RERG: variants seen among roughly 807,000 people sequenced by gnomAD.
The protein encoded by RERG is RAS like estrogen regulated growth inhibitor.
A neutral mutation model predicts 23.2 loss-of-function variants in RERG; 25 were observed. The ratio of observed to expected loss-of-function variants is 1.08; its 90% CI spans 0.79 to 1.50. RERG has a LOEUF of 1.50. RERG is among the 40% of genes most tolerant of loss of function. RERG has a pLI of 0.00. For synonymous variants in RERG, 81 were observed against 89.1 expected (o/e 0.91, Z 0.51); for missense variants, 253 against 250.1 (o/e 1.01, Z -0.08).
At chr12:15,165,967 C>A (rs1204087463) in intron 2 of RERG, among the ~76,000 whole-genome samples, 1 of 152,094 alleles carries the variant, frequency 6.6e-6, no homozygotes, top group Non-Finnish European at 1.5e-5. Flanking sequence ...CCTAGGTACA[C>A]CTAGGTCACT....
intron 2 of RERG, among the ~76,000 whole-genome samples, chr12:15,164,633 C>G (rs1205451978): frequency 6.6e-6 from 1 of 152,090 alleles, no homozygotes; most frequent in Non-Finnish European, 1.5e-5. Context: ...GTTGCCATAC[C>G]CTGAGCTGTA....
chr12:15,169,977 G>A (rs1039217758), intron 2 of RERG, among the ~76,000 whole-genome samples: 1 of 145,618 alleles, frequency 6.9e-6, no homozygotes, highest in African/African-American at 2.5e-5. Flanking sequence ...TAACATCAGG[G>A]ATCAACAATG....
intron 2 of RERG, among the ~76,000 whole-genome samples, chr12:15,179,888 T>C (rs1266267461): frequency 2.0e-5 from 3 of 152,174 alleles, no homozygotes; most frequent in Non-Finnish European, 4.4e-5. Context: ...GGACTTTCCA[T>C]GAAGCACATG....
chr12:15,182,474 G>A (rs1274061177), intron 2 of RERG, among the ~76,000 whole-genome samples: 3 of 152,156 alleles, frequency 2.0e-5, no homozygotes, highest in Non-Finnish European at 4.4e-5. Context: ...TGTTAGCTAG[G>A]AAGAGTTTCA....
rs552908941 is a variant in RERG, at chr12:15,178,131, G to A, written c.61+39298C>T. 9.2e-5 allele frequency among the ~76,000 whole-genome samples: 14 copies of A among 152,182 alleles called. No homozygotes were observed. The East Asian group carries it at 9.6e-4, about 10-fold the overall frequency. On this transcript the variant is annotated intron_variant, in intron 2 of 4. Transcript: ENST00000256953. ...GAAAGCCATGTGCTATAATGGAGGC[G>A]TACTTTGCAATCCTCTCATTTTAAA...
At chr12:15,208,300 C>A (rs149014795) in intron 2 of RERG, among the ~76,000 whole-genome samples, 1 of 152,208 alleles carries the variant, frequency 6.6e-6, no homozygotes, top group Non-Finnish European at 1.5e-5. Flanking sequence ...GGAACCCTGA[C>A]TAATACAGTT....
chr12:15,135,961 A>G (rs1262817282), intron 2 of RERG, among the ~76,000 whole-genome samples: 2 of 152,122 alleles, frequency 1.3e-5, no homozygotes, highest in Non-Finnish European at 2.9e-5. Flanking sequence ...TCTGGAAGAA[A>G]TTACAGAGAG....
At chr12:15,184,268 T>G (rs890667549) in intron 2 of RERG, among the ~76,000 whole-genome samples, 1 of 152,210 alleles carries the variant, frequency 6.6e-6, no homozygotes, top group African/African-American at 2.4e-5. Context: ...ATGTGAATAA[T>G]ATATTAATAC....
In RERG at chr12:15,217,570, C is replaced by A; in HGVS notation, c.-81G>T. The A allele has an allele frequency of 4.1e-6, 4 of 979,296 alleles. No individual in the cohort carries two copies. Among genetic ancestry groups the A allele is most frequent in the Non-Finnish European group, 6.6e-6 (4 of 605,050 alleles). 60.7% of individuals were successfully genotyped at this position (979,296 alleles called of 1,614,324 possible). ...TTTTGGTTCCAGTCTTTGGATTCACCATATCATTGTGAATCTTGGAAGAGT... is the reference window on the plus strand; with the variant it reads ...TTTTGGTTCCAGTCTTTGGATTCACAATATCATTGTGAATCTTGGAAGAGT... On this transcript the variant is annotated 5_prime_UTR_variant, in exon 2 of 5. It removes an upstream start codon present in the reference 5' UTR. Transcript: ENST00000256953.
intron 2 of RERG, among the ~76,000 whole-genome samples, chr12:15,189,929 T>G (rs1178454088): frequency 6.6e-6 from 1 of 152,194 alleles, no homozygotes; most frequent in Non-Finnish European, 1.5e-5. Context: ...TTTCTTAAAC[T>G]CTACACATTC....
At chr12:15,151,195 T>C (rs1864436154) in intron 2 of RERG, among the ~76,000 whole-genome samples, 1 of 152,146 alleles carries the variant, frequency 6.6e-6, no homozygotes, top group Non-Finnish European at 1.5e-5. Context: ...ATGAACACAC[T>C]TAATCTTAGA....
At chr12:15,148,847 GTTTTT>G (rs56033971) in intron 2 of RERG, among the ~76,000 whole-genome samples, 4 of 45,552 alleles carry the variant, frequency 8.8e-5, no homozygotes, top group Admixed American at 3.0e-4. Context: ...CTTTAACTCT[GTTTTT>G]TTTTTTTTTT....
chr12:15,156,991 T>C (rs1156372390), intron 2 of RERG, among the ~76,000 whole-genome samples: 1 of 152,186 alleles, frequency 6.6e-6, no homozygotes, highest in East Asian at 1.9e-4. Flanking sequence ...AGAGGATCCA[T>C]TGCCCCTCTT....
At position 15,110,463 on chromosome 12, in the gene RERG, C is replaced by CTTTTTTTTTTTTTTTTTTTTTT. The variant is rs869218147; in HGVS notation, c.192+859_192+880dup. On this transcript the variant is annotated intron_variant, in intron 4 of 4. Coordinates refer to ENST00000256953, the MANE Select transcript of RERG (RefSeq NM_032918.3). ...CTGTCATTCCAGTGGCCATTTTTTTCTTTTTTTTTTTTTTTTTTTTTTTTT... is the reference window on the plus strand; with the variant it reads ...CTGTCATTCCAGTGGCCATTTTTTTCTTTTTTTTTTTTTTTTTTTTTTTTTTTTTTTTTTTTTTTTTTTTTTT... Among the ~76,000 whole-genome samples the CTTTTTTTTTTTTTTTTTTTTTT allele has an allele frequency of 1.1e-4, 8 of 73,080 alleles. 1 individual carries two copies. The highest frequency in any genetic ancestry group is 4.8e-4 in the African/African-American group (8 of 16,736). 47.9% of individuals were successfully genotyped at this position (73,080 alleles called of 152,430 possible).
chr12:15,125,067 C>A (rs1339465975), intron 2 of RERG, among the ~76,000 whole-genome samples: 1 of 151,788 alleles, frequency 6.6e-6, no homozygotes, highest in Non-Finnish European at 1.5e-5. Context: ...CATTCTGTAA[C>A]CTGCAGTACC....
chr12:15,215,634 T>TA (rs1865430236), intron 2 of RERG, among the ~76,000 whole-genome samples: 1 of 151,640 alleles, frequency 6.6e-6, no homozygotes, highest in African/African-American at 2.4e-5. Context: ...ATGGGAGAGT[T>TA]AAAAAAAGAT....
At chr12:15,155,549 TAAG>T (rs772703784) in intron 2 of RERG, among the ~76,000 whole-genome samples, 1 of 152,230 alleles carries the variant, frequency 6.6e-6, no homozygotes, top group East Asian at 1.9e-4. Context: ...TAAAATTGAG[TAAG>T]AAGAACAGGT....
intron 2 of RERG, chr12:15,151,826 C>T (rs1864447970): frequency 6.6e-6 from 1 of 152,288 alleles, no homozygotes; most frequent in East Asian, 1.9e-4. Context: ...TCAGGTCAGT[C>T]TTTTCCTCCT....
chr12:15,133,443 A>G, intron 2 of RERG, among the ~76,000 whole-genome samples: 1 of 152,088 alleles, frequency 6.6e-6, no homozygotes, highest in East Asian at 1.9e-4. Flanking sequence ...TTAGTGCTGA[A>G]TAACATTCCA....
Sources: allele counts gnomAD v4.1 joint callset (sites outside exome capture counted in the v4.1 genomes callset), GRCh38; gene constraint gnomAD v4.1.1; transcripts MANE v1.5; gene names NCBI Gene and HGNC (gene_info 2026-07-23, HGNC 2026-07-21).